Variants in CAMK4 observed in about 807,000 individuals in gnomAD.
The protein encoded by CAMK4 is calcium/calmodulin-dependent protein kinase type IV.
Under a neutral mutation model 44.9 loss-of-function variants are expected in CAMK4, and 22 were observed. The ratio of observed to expected loss-of-function variants is 0.49; its 90% confidence interval spans 0.35 to 0.70. The LOEUF is 0.70. Ranked by LOEUF, CAMK4 falls within the 30% of genes least tolerant of loss-of-function variation. The pLI is 0.01. For missense variants in CAMK4, 498 were observed against 586.8 expected, an observed-to-expected ratio of 0.85 and a Z score of 1.56; for synonymous variants, 218 against 215.4, an observed-to-expected ratio of 1.01 and a Z score of -0.11.
chr5:111,464,587 T>C (rs1561504047), intron 7 of CAMK4, among the ~76,000 whole-genome samples: 1 of 152,172 alleles, frequency 6.6e-6, no homozygotes, highest in Non-Finnish European at 1.5e-5. Context: ...CCATGTATTC[T>C]ATGGAAGTGG....
chr5:111,375,485 G>A (rs1391023527), intron 3 of CAMK4, among the ~76,000 whole-genome samples: 12 of 152,096 alleles, frequency 7.9e-5, no homozygotes, highest in African/African-American at 2.9e-4. Flanking sequence ...TTATTTTCCA[G>A]GTTGCAAGTT....
chr5:111,399,589 G>T (rs758884520), intron 5 of CAMK4, among the ~76,000 whole-genome samples: 4 of 152,100 alleles, frequency 2.6e-5, no homozygotes, highest in Non-Finnish European at 5.9e-5. Flanking sequence ...TAAGTAAATG[G>T]AAATTGATGA....
rs568859341 is a variant in CAMK4, at chr5:111,262,137, C to G, written c.161+37493C>G. ...ACAGTTTAAGGTCCTCATTCTGGCA[C>G]TTGATGTGTAAAAGAAAAATTGCAC... On this transcript the variant is annotated intron_variant, in intron 1 of 10. Coordinates refer to ENST00000282356, the MANE Select transcript of CAMK4 (RefSeq NM_001744.6). Among the ~76,000 whole-genome samples the G allele has an allele frequency of 8.5e-4, 124 of 146,702 alleles. No homozygotes were observed. The Middle Eastern group carries it at 0.018, about 21-fold the overall frequency.
intron 1 of CAMK4, among the ~76,000 whole-genome samples, chr5:111,280,696 G>T (rs751018858): frequency 6.6e-6 from 1 of 152,202 alleles, no homozygotes; most frequent in East Asian, 1.9e-4. Flanking sequence ...TGAGATGTGG[G>T]TTATTTAAAC....
intron 5 of CAMK4, among the ~76,000 whole-genome samples, chr5:111,434,090 T>C (rs6897106): frequency 0.34 from 51,072 of 151,816 alleles, 9,293 homozygotes; most frequent in East Asian, 0.47. Context: ...GATCAAGAGA[T>C]TTAGACCATT....
chr5:111,430,200 G>A (rs1365358000), intron 5 of CAMK4, among the ~76,000 whole-genome samples: 1 of 152,092 alleles, frequency 6.6e-6, no homozygotes, highest in African/African-American at 2.4e-5. Flanking sequence ...CATATCAACA[G>A]AATGAGGGAA....
At chr5:111,346,645 C>T (rs376160924) in intron 2 of CAMK4, among the ~76,000 whole-genome samples, 1 of 151,898 alleles carries the variant, frequency 6.6e-6, no homozygotes, top group Non-Finnish European at 1.5e-5. Context: ...TCCAAAATCA[C>T]AGAGCTGGCA....
intron 1 of CAMK4, among the ~76,000 whole-genome samples, chr5:111,234,305 T>C (rs557482028): frequency 1.3e-5 from 2 of 152,338 alleles, no homozygotes; most frequent in African/African-American, 2.4e-5. Flanking sequence ...GCAACTGTTA[T>C]GCATCTCAAG....
chr5:111,314,739 G>A (rs1203708642), intron 1 of CAMK4, among the ~76,000 whole-genome samples: 4 of 151,912 alleles, frequency 2.6e-5, no homozygotes, highest in African/African-American at 9.7e-5. Context: ...TTGTTAATAC[G>A]TTGAAAATAC....
At chr5:111,266,025 T>G (rs1644496) in intron 1 of CAMK4, 3 of 151,882 alleles carry the variant, frequency 2.0e-5, no homozygotes, top group South Asian at 4.2e-4. Context: ...TAGCACAGCA[T>G]TTCTTCAGAG....
intron 2 of CAMK4, among the ~76,000 whole-genome samples, chr5:111,366,073 A>T (rs1172492095): frequency 6.6e-6 from 1 of 152,186 alleles, no homozygotes; most frequent in African/African-American, 2.4e-5. Context: ...ATAGGGAATC[A>T]TTGGGAAAGC....
chr5:111,446,872 A>T, intron 6 of CAMK4, 96 bp downstream of exon 6: 1 of 771,942 alleles, frequency 1.3e-6, no homozygotes, highest in Non-Finnish European at 2.4e-6. Flanking sequence ...CCAGTTTTAC[A>T]TCCATTCAGT....
chr5:111,315,211 G>A (rs189584346), intron 1 of CAMK4, among the ~76,000 whole-genome samples: 2 of 152,162 alleles, frequency 1.3e-5, no homozygotes, highest in East Asian at 3.9e-4. Flanking sequence ...ATTTATCAGC[G>A]GGAAAAGTCA....
At chr5:111,250,365 G>A (rs745703830) in intron 1 of CAMK4, among the ~76,000 whole-genome samples, 2 of 152,136 alleles carry the variant, frequency 1.3e-5, no homozygotes, top group Non-Finnish European at 2.9e-5. Flanking sequence ...AAAGAAGGAA[G>A]ATATTCTCTA....
chr5:111,480,656 C>T (rs1169648906), intron 9 of CAMK4, among the ~76,000 whole-genome samples: 2 of 151,954 alleles, frequency 1.3e-5, no homozygotes, highest in Non-Finnish European at 2.9e-5. Context: ...GGAAGTGTAA[C>T]CTCAGGCTCA....
intron 1 of CAMK4, among the ~76,000 whole-genome samples, chr5:111,267,029 C>T (rs1750279643): frequency 6.6e-6 from 1 of 152,128 alleles, no homozygotes; most frequent in Admixed American, 6.5e-5. Flanking sequence ...CTAATTCTGC[C>T]TACTTTCCAG....
intron 1 of CAMK4, among the ~76,000 whole-genome samples, chr5:111,318,658 G>A (rs985862078): frequency 3.3e-5 from 5 of 152,102 alleles, no homozygotes; most frequent in Non-Finnish European, 2.9e-5. Flanking sequence ...CTCTTAAATT[G>A]TAATGAAATG....
rs1433531649 is a variant in CAMK4, at chr5:111,374,856, A to C, written c.247A>C (p.Lys83Gln). The change falls in exon 3 of 11, where the codon AAA becomes CAA. Residue 83 changes from lysine to glutamine, a missense_variant. Physicochemically the swap from Lys to Gln is moderately conservative, Grantham distance 53. Around this residue, in one of 3 missense-constraint regions of CAMK4, gnomAD observed 152 missense variants for 143.7 expected, o/e 1.06. Coordinates refer to ENST00000282356, the MANE Select transcript of CAMK4 (RefSeq NM_001744.6). ...ALKVLKKTVDKKIVRTEIGVL... is the reference protein window; with the variant it reads ...ALKVLKKTVDQKIVRTEIGVL... Reference sequence around the variant, plus strand: ...CTTTTATTTTGCCTTTTAGGTGGACAAAAAAATCGTAAGAACTGAGATAGG... The same window carrying C: ...CTTTTATTTTGCCTTTTAGGTGGACCAAAAAATCGTAAGAACTGAGATAGG... 6.2e-7 allele frequency: 1 copy of C among 1,605,076 alleles called. No homozygotes were observed. Among genetic ancestry groups the C allele is most frequent in the Non-Finnish European group, 8.5e-7 (1 of 1,172,548 alleles).
chr5:111,344,891 C>G (rs1344920736), intron 2 of CAMK4, among the ~76,000 whole-genome samples: 1 of 151,792 alleles, frequency 6.6e-6, no homozygotes, highest in African/African-American at 2.4e-5. Flanking sequence ...TGTTCTTATG[C>G]AGTTTCTACT....
Sources: allele counts gnomAD v4.1 joint callset (sites outside exome capture counted in the v4.1 genomes callset), GRCh38; gene constraint gnomAD v4.1.1; regional missense constraint gnomAD v4.1.1; transcripts MANE v1.5; gene names NCBI Gene and HGNC (gene_info 2026-07-23, HGNC 2026-07-21).